ASTN2: variants seen among roughly 807,000 people sequenced by gnomAD.
ASTN2 encodes astrotactin 2, also known as astrotactin-2.
A neutral mutation model predicts 139.8 loss-of-function variants in ASTN2; 54 were observed. That is an observed-to-expected ratio of 0.39 (90% confidence interval 0.31 to 0.48). The LOEUF is 0.48. ASTN2 is among the 20% of genes least tolerant of loss of function. ASTN2 has a pLI of 0.95. For synonymous variants in ASTN2, 756 were observed against 719.5 expected (o/e 1.05, Z -0.81); for missense variants, 1,565 against 1,725.1 (o/e 0.91, Z 1.64).
At chr9:116,651,410 C>T in intron 17 of ASTN2, 118 bp downstream of exon 17, 1 of 1,159,682 alleles carries the variant, frequency 8.6e-7, no homozygotes, top group South Asian at 1.5e-5. Context: ...CTAGTAATCA[C>T]CATGATGATG....
intron 3 of ASTN2, among the ~76,000 whole-genome samples, chr9:117,152,045 A>G (rs1830337622): frequency 6.6e-6 from 1 of 152,100 alleles, no homozygotes; most frequent in South Asian, 2.1e-4. Flanking sequence ...TAAGTTCCTT[A>G]AATTCTTTAA....
intron 1 of ASTN2, among the ~76,000 whole-genome samples, chr9:117,300,938 AC>A (rs1834860954): frequency 6.6e-6 from 1 of 152,120 alleles, no homozygotes; most frequent in Admixed American, 6.6e-5. Flanking sequence ...TCTGCCCATT[AC>A]CACCTCCTTT....
chr9:117,176,206 G>A (rs527541469), intron 3 of ASTN2, among the ~76,000 whole-genome samples: 134 of 152,166 alleles, frequency 8.8e-4, no homozygotes, highest in Admixed American at 1.2e-3. Flanking sequence ...AAGGGTTGTC[G>A]AGAATTTGGG....
intron 19 of ASTN2, among the ~76,000 whole-genome samples, chr9:116,511,207 C>T (rs1201264334): frequency 1.3e-5 from 2 of 152,098 alleles, no homozygotes; most frequent in African/African-American, 4.8e-5. Context: ...GAGTTTTTAG[C>T]ATGAAGGGTT....
chr9:117,246,144 AAC>A (rs199725313), intron 2 of ASTN2, among the ~76,000 whole-genome samples: 55 of 140,546 alleles, frequency 3.9e-4, no homozygotes, highest in African/African-American at 7.7e-4. Flanking sequence ...ATTGAAAACA[AAC>A]AAAAAAAAGC....
At chr9:116,457,027 C>G (rs960155586) in intron 20 of ASTN2, among the ~76,000 whole-genome samples, 10 of 151,994 alleles carry the variant, frequency 6.6e-5, no homozygotes, top group Admixed American at 3.9e-4. Context: ...GAATAGAATA[C>G]AGAACTCAGA....
At chr9:116,732,557 C>T (rs1828815327) in intron 14 of ASTN2, among the ~76,000 whole-genome samples, 1 of 152,222 alleles carries the variant, frequency 6.6e-6, no homozygotes, top group African/African-American at 2.4e-5. Context: ...TCTCCCTGGG[C>T]AGTGGATAAG....
rs1432791417 is a variant in ASTN2, at chr9:116,969,538, T to C, written c.1889+5670A>G. 2.0e-5 allele frequency among the ~76,000 whole-genome samples: 3 copies of C among 151,840 alleles called. No homozygotes were observed. In the East Asian group the frequency reaches 5.8e-4, roughly 29 times the overall value. On this transcript the variant is annotated intron_variant, in intron 10 of 22. Coordinates refer to ENST00000313400, the MANE Select transcript of ASTN2 (RefSeq NM_001365068.1). ...CTGGAGAGGTCAGTGAGAGTGTGCC[T>C]GAAAAAGAAAAACAGAAAAACAGAG...
chr9:117,078,775 C>G (rs7035335), intron 5 of ASTN2, among the ~76,000 whole-genome samples: 151,167 of 152,232 alleles, frequency 0.99, 75,070 homozygotes, highest in Middle Eastern at 1. Flanking sequence ...TCACTCTGCT[C>G]CTCAGTCTGT....
intron 11 of ASTN2, among the ~76,000 whole-genome samples, chr9:116,840,983 G>A (rs571873972): frequency 6.7e-4 from 102 of 152,238 alleles, no homozygotes; most frequent in African/African-American, 2.2e-3. Context: ...GGTGGCGGCC[G>A]GGCAGAGGCT....
At chr9:116,970,839 C>T (rs1037468889) in intron 10 of ASTN2, among the ~76,000 whole-genome samples, 8 of 152,142 alleles carry the variant, frequency 5.3e-5, no homozygotes, top group South Asian at 2.1e-4. Context: ...ATGACTGAGG[C>T]GCTCCAAAAG....
At chr9:116,965,515 A>T (rs1393775108) in intron 10 of ASTN2, among the ~76,000 whole-genome samples, 2 of 152,206 alleles carry the variant, frequency 1.3e-5, no homozygotes, top group African/African-American at 4.8e-5. Flanking sequence ...CCCTATCATG[A>T]CAAGATGGGG....
intron 13 of ASTN2, among the ~76,000 whole-genome samples, chr9:116,737,651 T>A (rs1588252601): frequency 1.2e-5 from 1 of 84,384 alleles, no homozygotes. Flanking sequence ...GTGTGTGTAG[T>A]AAAAGCTGCT....
At chr9:117,021,054 C>CA (rs748991678) in intron 6 of ASTN2, among the ~76,000 whole-genome samples, 6 of 152,020 alleles carry the variant, frequency 3.9e-5, no homozygotes, top group African/African-American at 7.2e-5. Flanking sequence ...ACTACAGGTA[C>CA]ATGCAACAAT....
intron 19 of ASTN2, among the ~76,000 whole-genome samples, chr9:116,524,380 G>A (rs1222069314): frequency 6.6e-6 from 1 of 151,976 alleles, no homozygotes; most frequent in Non-Finnish European, 1.5e-5. Flanking sequence ...ACCAACATAG[G>A]TGAAAATGTT....
intron 1 of ASTN2, among the ~76,000 whole-genome samples, chr9:117,342,182 T>G (rs1829081552): frequency 6.6e-6 from 1 of 152,154 alleles, no homozygotes; most frequent in Non-Finnish European, 1.5e-5. Context: ...AAAGGCATCC[T>G]GGGTCTGTGA....
chr9:116,916,576 G>A (rs1003831662), intron 10 of ASTN2, among the ~76,000 whole-genome samples: 8 of 152,142 alleles, frequency 5.3e-5, no homozygotes, highest in Non-Finnish European at 1.2e-4. Flanking sequence ...GCCAGGTGTG[G>A]TGGCTCATGC....
chr9:116,937,262 C>T (rs1208385670), intron 10 of ASTN2, among the ~76,000 whole-genome samples: 1 of 152,154 alleles, frequency 6.6e-6, no homozygotes, highest in Non-Finnish European at 1.5e-5. Flanking sequence ...TGGTTGACTC[C>T]TGAGCAACCA....
chr9:117,306,164 C>G, intron 1 of ASTN2, among the ~76,000 whole-genome samples: 1 of 152,180 alleles, frequency 6.6e-6, no homozygotes, highest in East Asian at 1.9e-4. Flanking sequence ...GCTCCCACCC[C>G]ACTTGGTTCT....
Sources: gnomAD v4.1 joint callset for allele counts (sites outside exome capture counted in the v4.1 genomes callset) on GRCh38, gnomAD v4.1.1 for gene constraint, MANE v1.5 for transcripts, NCBI Gene and HGNC (gene_info 2026-07-23, HGNC 2026-07-21) for gene names.